The following ARHGEF6 variants were observed in gnomAD, a reference collection of about 807,000 sequenced individuals.
ARHGEF6 encodes rho guanine nucleotide exchange factor 6.
ARHGEF6 carries 9 observed loss-of-function variants against 70.3 expected under a neutral mutation model. That is an observed-to-expected ratio of 0.13 (90% CI 0.08 to 0.22). The LOEUF (loss-of-function observed/expected upper bound fraction) is 0.22, where lower values mean the gene tolerates loss of function less well. Ranked by LOEUF, ARHGEF6 falls within the 10% of genes least tolerant of loss-of-function variation. ARHGEF6 has a pLI of 1.00. For synonymous variants in ARHGEF6, 201 were observed against 207.8 expected (o/e 0.97, Z 0.28); for missense variants, 470 against 563.0 (o/e 0.83, Z 1.67).
intron 9 of ARHGEF6, among the ~76,000 whole-genome samples, chrX:136,705,711 C>T (rs1326186178): frequency 8.9e-6 from 1 of 112,416 alleles, no homozygotes; most frequent in Non-Finnish European, 1.9e-5. Flanking sequence ...TTTCTTTAAA[C>T]TCCAATTTCC....
chrX:136,742,244 G>A (rs1164220993), intron 5 of ARHGEF6, among the ~76,000 whole-genome samples: 7 of 111,462 alleles, frequency 6.3e-5, no homozygotes, highest in Non-Finnish European at 1.3e-4. Flanking sequence ...GCGTGAACCC[G>A]GGAGGCGGAG....
chrX:136,684,826 T>C (rs1348922126), intron 12 of ARHGEF6, among the ~76,000 whole-genome samples: 1 of 111,919 alleles, frequency 8.9e-6, no homozygotes, highest in Non-Finnish European at 1.9e-5. Context: ...GTTACCACCG[T>C]CTTAGGGGAC....
intron 6 of ARHGEF6, among the ~76,000 whole-genome samples, chrX:136,729,467 C>CAAA (rs749398050): frequency 2.7e-3 from 33 of 12,394 alleles, no homozygotes; most frequent in East Asian, 4.8e-3. Flanking sequence ...GACTCCATCT[C>CAAA]AAAAAAAAAA....
In ARHGEF6 at chrX:136,681,928, T is replaced by C; in HGVS notation, c.1520A>G (p.Asp507Gly). 8.3e-7 allele frequency: 1 copy of C among 1,209,361 alleles called. No individual in the cohort carries two copies. ...TGTGCAGTCATTCCCTTCAATTTCA[T>C]CTAATCTAGTCACCACCGTTCCTGC... Reference protein sequence around the residue: ...PIAGTVVTRLDEIEGNDCTFE... With the variant: ...PIAGTVVTRLGEIEGNDCTFE... Residue 507 changes from aspartate to glycine, a missense_variant, in exon 14 of 22, where the codon GAT becomes GGT. By Grantham distance (94) the Asp-to-Gly change is moderately conservative (BLOSUM62 -1). Coordinates refer to ENST00000250617, the MANE Select transcript of ARHGEF6 (RefSeq NM_004840.3).
At chrX:136,761,807 AT>A (rs1174391790) in intron 2 of ARHGEF6, among the ~76,000 whole-genome samples, 8 of 111,290 alleles carry the variant, frequency 7.2e-5, no homozygotes, top group African/African-American at 2.0e-4. Flanking sequence ...AAATGGCTGG[AT>A]TTTTTTTTCC....
rs1311107437 is a variant in ARHGEF6, at chrX:136,735,405, A to G, written c.662-3233T>C. Among the ~76,000 whole-genome samples, 14 of 110,371 alleles carry G rather than the reference A, an allele frequency of 1.3e-4. No homozygotes were observed. The Admixed American group carries it at 1.4e-3, about 11-fold the overall frequency. On this transcript the variant is annotated intron_variant, in intron 5 of 21. Coordinates refer to ENST00000250617, the MANE Select transcript of ARHGEF6 (RefSeq NM_004840.3). ...ATGTGAAGGATTCTTTGAAACCCAC[A>G]CTCAGCAACATGCAGAGAAGGAATG...
chrX:136,731,737 T>C (rs916087383), intron 6 of ARHGEF6, among the ~76,000 whole-genome samples: 1 of 112,160 alleles, frequency 8.9e-6, no homozygotes, highest in African/African-American at 3.2e-5. Context: ...TGCAACCACT[T>C]AAAATTTATT....
chrX:136,688,478 A>G (rs1180082456), intron 10 of ARHGEF6, among the ~76,000 whole-genome samples: 8 of 110,503 alleles, frequency 7.2e-5, no homozygotes, highest in Non-Finnish European at 1.3e-4. Context: ...AATGGTGGAA[A>G]CAAGAGTCGT....
At chrX:136,697,144 G>C (rs1328243300) in intron 9 of ARHGEF6, among the ~76,000 whole-genome samples, 6 of 111,458 alleles carry the variant, frequency 5.4e-5, no homozygotes, top group Non-Finnish European at 1.1e-4. Context: ...TTTGCCCAGA[G>C]GGAGACGCAG....
chrX:136,713,782 A>G (rs5975782), intron 6 of ARHGEF6, among the ~76,000 whole-genome samples: 3,229 of 112,054 alleles, frequency 0.029, 110 homozygotes, highest in African/African-American at 0.098. Flanking sequence ...CAAACCCCAC[A>G]GTACTGTTTA....
chrX:136,683,982 T>C (rs1333227155), intron 12 of ARHGEF6, among the ~76,000 whole-genome samples: 1 of 112,248 alleles, frequency 8.9e-6, no homozygotes, highest in Non-Finnish European at 1.9e-5. Flanking sequence ...TGTGGCCCTT[T>C]ATGCATAATA....
chrX:136,750,804 CTT>C (rs11352668), intron 2 of ARHGEF6, among the ~76,000 whole-genome samples: 32 of 96,173 alleles, frequency 3.3e-4, no homozygotes, highest in Admixed American at 5.6e-4. Flanking sequence ...TGAAATCAAA[CTT>C]TTTTTTTTTT....
chrX:136,777,387 A>T (rs1279282352), intron 2 of ARHGEF6, among the ~76,000 whole-genome samples: 1 of 109,593 alleles, frequency 9.1e-6, no homozygotes, highest in Non-Finnish European at 1.9e-5. Context: ...AACCACAATG[A>T]GATATCACCT....
At chrX:136,671,673 G>A (rs1254136869) in intron 20 of ARHGEF6, among the ~76,000 whole-genome samples, 4 of 112,385 alleles carry the variant, frequency 3.6e-5, no homozygotes, top group Non-Finnish European at 7.5e-5. Flanking sequence ...TCCGGGCAAG[G>A]AAATTGGTTC....
At chrX:136,723,390 G>A (rs1276500364) in intron 6 of ARHGEF6, among the ~76,000 whole-genome samples, 5 of 111,659 alleles carry the variant, frequency 4.5e-5, no homozygotes, top group Non-Finnish European at 7.5e-5. Context: ...TTTTTTCTCT[G>A]ACTCCAAGTC....
chrX:136,741,608 G>A (rs893591832), intron 5 of ARHGEF6, among the ~76,000 whole-genome samples: 6 of 108,630 alleles, frequency 5.5e-5, no homozygotes, highest in Admixed American at 1.0e-4. Context: ...TGAAAATAAA[G>A]CAATGCTCTG....
chrX:136,768,640 C>T (rs944740392), intron 2 of ARHGEF6: 1 of 112,535 alleles, frequency 8.9e-6, no homozygotes, highest in African/African-American at 3.2e-5. Flanking sequence ...GAAGCAAGAT[C>T]TGCTGATACC....
intron 5 of ARHGEF6, among the ~76,000 whole-genome samples, chrX:136,736,618 GGTGTGTGTGTGT>G (rs1556295145): frequency 6.7e-5 from 7 of 103,707 alleles, no homozygotes; most frequent in Admixed American, 1.0e-4. Flanking sequence ...GTTAAAAAGA[GGTGTGTGTGTGT>G]GTGTGTGTGT....
At chrX:136,715,405 A>G (rs2076727307) in intron 6 of ARHGEF6, among the ~76,000 whole-genome samples, 1 of 111,161 alleles carries the variant, frequency 9.0e-6, no homozygotes, top group Admixed American at 9.6e-5. Flanking sequence ...AAAGACTTTC[A>G]TTTTTCAGTC....
Sources: gnomAD v4.1 joint callset for allele counts (sites outside exome capture counted in the v4.1 genomes callset) on GRCh38, gnomAD v4.1.1 for gene constraint, MANE v1.5 for transcripts, NCBI Gene and HGNC (gene_info 2026-07-23, HGNC 2026-07-21) for gene names.